Variants in PCDH10 observed in about 807,000 individuals in gnomAD.
The protein encoded by PCDH10 is protocadherin-10.
In PCDH10, 15 loss-of-function variants were observed where a neutral mutation model predicts 74.4. The ratio of observed to expected loss-of-function variants is 0.20; its 90% CI spans 0.13 to 0.31. The LOEUF is 0.31. Among genes scored for constraint, PCDH10 ranks in the 10% least tolerant of loss-of-function variants. The probability of loss-of-function intolerance (pLI) is 1.00; values close to 1 mark genes in which losing one functional copy is unlikely to be tolerated. For missense variants in PCDH10, 1,260 were observed against 1,390.2 expected (o/e 0.91, Z 1.49); for synonymous variants, 619 against 589.8 (o/e 1.05, Z -0.72).
downstream of PCDH10, among the ~76,000 whole-genome samples, chr4:133,195,408 A>G (rs1249207932): frequency 6.6e-6 from 1 of 152,060 alleles, no homozygotes; most frequent in South Asian, 2.1e-4. Context: ...GAAGAATGAT[A>G]GTTCTCAATG....
chr4:133,157,460 T>A (rs560952278), intron 3 of PCDH10, among the ~76,000 whole-genome samples: 2 of 152,322 alleles, frequency 1.3e-5, no homozygotes, highest in South Asian at 4.1e-4. Flanking sequence ...TATTAATGAT[T>A]TTCCAATTTT....
chr4:133,176,583 T>C (rs1727301233), intron 4 of PCDH10, among the ~76,000 whole-genome samples: 1 of 152,166 alleles, frequency 6.6e-6, no homozygotes, highest in South Asian at 2.1e-4. Context: ...AAATGTTCTT[T>C]TCACAATATA....
At chr4:133,200,560 C>T (rs1239522788) in intron 2 of PCDH10, among the ~76,000 whole-genome samples, 1 of 152,146 alleles carries the variant, frequency 6.6e-6, no homozygotes, top group African/African-American at 2.4e-5. Flanking sequence ...AGTCTATATT[C>T]ATCAACTATC....
intron 4 of PCDH10, among the ~76,000 whole-genome samples, chr4:133,185,116 A>C (rs1423337595): frequency 6.7e-6 from 1 of 148,400 alleles, no homozygotes; most frequent in Admixed American, 6.8e-5. Flanking sequence ...CTAAAAACAC[A>C]GTAATCATTT....
At chr4:133,160,912 C>T (rs1303653186) in intron 3 of PCDH10, among the ~76,000 whole-genome samples, 1 of 152,000 alleles carries the variant, frequency 6.6e-6, no homozygotes, top group African/African-American at 2.4e-5. Context: ...GTTCCCCCAT[C>T]ATTCTATTAA....
downstream of PCDH10, among the ~76,000 whole-genome samples, chr4:133,197,602 G>T (rs978256867): frequency 1.3e-5 from 2 of 152,100 alleles, no homozygotes; most frequent in South Asian, 2.1e-4. Flanking sequence ...GATCCATAAT[G>T]AAAATATTGT....
At chr4:133,202,284 A>C (rs765251808) in intron 2 of PCDH10, among the ~76,000 whole-genome samples, 1 of 152,206 alleles carries the variant, frequency 6.6e-6, no homozygotes, top group Non-Finnish European at 1.5e-5. Context: ...ACCTATGGCA[A>C]TACCAGGGGT....
intron 4 of PCDH10, among the ~76,000 whole-genome samples, chr4:133,170,682 G>T (rs1727184781): frequency 6.6e-6 from 1 of 151,844 alleles, no homozygotes; most frequent in African/African-American, 2.4e-5. Context: ...TCATTTTAGT[G>T]TATTCTTTTT....
At chr4:133,153,729 T>C (rs972732767) in intron 1 of PCDH10, 1 of 16,736 alleles carries the variant, frequency 6.0e-5, no homozygotes, top group Non-Finnish European at 1.1e-4. Flanking sequence ...AGAATGGGGG[T>C]GGTGGGGGGC....
chr4:133,161,011 G>A (rs962709600), intron 3 of PCDH10, among the ~76,000 whole-genome samples: 5 of 151,998 alleles, frequency 3.3e-5, no homozygotes, highest in Middle Eastern at 3.2e-3. Context: ...GTGTATCAGG[G>A]ACATTCTAGT....
Position 133,151,767 on chromosome 4 carries a change from G to A in PCDH10, c.1627G>A (p.Val543Met). 6.2e-7 allele frequency: 1 copy of A among 1,613,116 alleles called. No individual in the cohort carries two copies. The highest frequency in any genetic ancestry group is 1.1e-5 in the South Asian group (1 of 91,088). The stretch of plus-strand genomic sequence containing the variant: ...GCAGCTGAAGGACTTCAGTTTTCAG[G>A]TGGAAGCCCGGGACGCTGGCAGCCC... ...YEQLKDFSFQ[V>M]EARDAGSPQA... The change falls in exon 1 of 5, where the codon GTG (valine) becomes ATG (methionine). Residue 543 changes from valine to methionine, a missense_variant. By Grantham distance (21) the Val-to-Met change is conservative (BLOSUM62 1). Coordinates refer to ENST00000264360, the MANE Select transcript of PCDH10 (RefSeq NM_032961.3).
intron 1 of PCDH10, among the ~76,000 whole-genome samples, 160 bp from the exon 2 acceptor site, chr4:133,154,147 C>T (rs1726807810): frequency 6.6e-6 from 1 of 152,112 alleles, no homozygotes; most frequent in African/African-American, 2.4e-5. Flanking sequence ...TCTCCCCTGC[C>T]CTTACACAGC....
At chr4:133,188,699 G>GT (rs1458391125) in intron 4 of PCDH10, among the ~76,000 whole-genome samples, 1 of 119,400 alleles carries the variant, frequency 8.4e-6, no homozygotes, top group Non-Finnish European at 1.7e-5. Context: ...TTGAGATGGA[G>GT]TTTCGCTCTT....
chr4:133,184,796 T>TATATAAA (rs1560714382), intron 4 of PCDH10, among the ~76,000 whole-genome samples: 1 of 139,040 alleles, frequency 7.2e-6, no homozygotes, highest in African/African-American at 2.6e-5. Context: ...ATATATATAT[T>TATATAAA]TATATATATA....
At chr4:133,199,812 T>TATTA (rs1727867282) in intron 2 of PCDH10, among the ~76,000 whole-genome samples, 1 of 148,700 alleles carries the variant, frequency 6.7e-6, no homozygotes, top group Non-Finnish European at 1.5e-5. Flanking sequence ...TTATTATTAT[T>TATTA]TTCAAGACGG....
chr4:133,151,973 C>T lies in PCDH10; in HGVS notation c.1833C>T (p.Gly611=). The T allele has an allele frequency of 6.2e-7, 1 of 1,612,626 alleles. No homozygotes were observed. Among genetic ancestry groups the T allele is most frequent in the South Asian group, 1.1e-5 (1 of 91,056 alleles). Residue 611 remains glycine (G), a synonymous_variant, in exon 1 of 5, where the codon GGC becomes GGT. Transcript: ENST00000264360. ...TGGCCGCCGTGGACGCGGACGACGG[C>T]GAGAACGCCCGGCTCACTTACAGCA... ...TRVAAVDADD[G]ENARLTYSIV... is the part of the protein sequence containing the mutation.
chr4:133,208,532 C>CA (rs1426767839), exon 3 of PCDH10: 2 of 152,040 alleles, frequency 1.3e-5, no homozygotes, highest in African/African-American at 4.8e-5. Flanking sequence ...ACCTTGCACA[C>CA]AAAAAATCAT....
chr4:133,199,440 A>G (rs1041208348), downstream of PCDH10, among the ~76,000 whole-genome samples: 1 of 151,438 alleles, frequency 6.6e-6, no homozygotes, highest in Non-Finnish European at 1.5e-5. Context: ...CAATTGACTT[A>G]GAATGGACTG....
chr4:133,193,597 TA>T lies in PCDH10; in HGVS notation c.*3438del, dbSNP rs1428256391. The T allele has an allele frequency of 6.6e-6, 1 of 151,676 alleles. No homozygotes were observed. The highest frequency in any genetic ancestry group is 1.5e-5 in the Non-Finnish European group (1 of 67,660). The allele number at this position is 151,676 out of a possible 1,614,324, so 9.4% of individuals were successfully genotyped here. On this transcript the variant is annotated 3_prime_UTR_variant, in exon 5 of 5. Coordinates refer to ENST00000264360, the MANE Select transcript of PCDH10 (RefSeq NM_032961.3). ...GAGCTCAGTTAGTCTTTAAAACAATTACTCAGGCAGAGTGTGGCAAAAGTTC... is the reference window on the plus strand; with the variant it reads ...GAGCTCAGTTAGTCTTTAAAACAATTCTCAGGCAGAGTGTGGCAAAAGTTC...
Sources: gnomAD v4.1 joint callset for allele counts (sites outside exome capture counted in the v4.1 genomes callset) on GRCh38, gnomAD v4.1.1 for gene constraint, MANE v1.5 for transcripts, NCBI Gene and HGNC (gene_info 2026-07-23, HGNC 2026-07-21) for gene names.